The following QKI variants were observed in gnomAD, a reference collection of about 807,000 sequenced individuals.
The protein encoded by QKI is QKI, KH domain containing RNA binding.
Under a neutral mutation model 39.0 loss-of-function variants are expected in QKI, and 10 were observed. The ratio of observed to expected loss-of-function variants is 0.26; its 90% confidence interval spans 0.16 to 0.43. The LOEUF is 0.43. Ranked by LOEUF, QKI falls within the 20% of genes least tolerant of loss-of-function variation. QKI has a pLI of 1.00. For synonymous variants in QKI, 204 were observed against 155.4 expected, an observed-to-expected ratio of 1.31 and a Z score of -2.33; for missense variants, 218 against 428.0, an observed-to-expected ratio of 0.51 and a Z score of 4.33.
chr6:163,512,981 A>G (rs1779574780), intron 3 of QKI, among the ~76,000 whole-genome samples: 1 of 152,196 alleles, frequency 6.6e-6, no homozygotes, highest in African/African-American at 2.4e-5. Context: ...TTTGCTTTTC[A>G]TGGTTTCAGT....
intron 2 of QKI, 107 bp downstream of exon 2, chr6:163,455,528 T>C: frequency 8.8e-7 from 1 of 1,137,496 alleles, no homozygotes; most frequent in Non-Finnish European, 1.2e-6. Context: ...TTTAAAAAAA[T>C]GCAGTCATCA....
At chr6:163,556,683 TGTGA>T (rs989408750) in intron 4 of QKI, among the ~76,000 whole-genome samples, 2 of 152,104 alleles carry the variant, frequency 1.3e-5, no homozygotes, top group Admixed American at 1.3e-4. Context: ...CCCCACTTAG[TGTGA>T]GTATTTTTCT....
At chr6:163,491,783 G>A (rs888384119) in intron 3 of QKI, among the ~76,000 whole-genome samples, 9 of 152,120 alleles carry the variant, frequency 5.9e-5, no homozygotes, top group African/African-American at 2.2e-4. Flanking sequence ...GACACCCTTT[G>A]AGAGGTAAAA....
intron 4 of QKI, among the ~76,000 whole-genome samples, chr6:163,555,813 G>T (rs908204225): frequency 2.6e-5 from 4 of 152,016 alleles, no homozygotes; most frequent in Admixed American, 1.3e-4. Context: ...TCAGCTCTCT[G>T]GTGATTACTT....
chr6:163,515,055 A>T (rs1562503410), intron 3 of QKI, among the ~76,000 whole-genome samples: 1 of 152,194 alleles, frequency 6.6e-6, no homozygotes, highest in Non-Finnish European at 1.5e-5. Flanking sequence ...AAAGATCACA[A>T]ATTCAATTAA....
intron 6 of QKI, chr6:163,564,078 T>A (rs1400891371): frequency 9.3e-7 from 1 of 1,079,156 alleles, no homozygotes; most frequent in Non-Finnish European, 1.1e-6. Flanking sequence ...TTATTTGAGA[T>A]TTATTTTATC....
At chr6:163,545,643 CCAAA>C (rs1781817107) in intron 4 of QKI, among the ~76,000 whole-genome samples, 1 of 151,980 alleles carries the variant, frequency 6.6e-6, no homozygotes, top group Admixed American at 6.6e-5. Flanking sequence ...ACAAGCTTTC[CCAAA>C]CAGAGACTCT....
chr6:163,570,203 T>G (rs962719659), intron 7 of QKI: 1 of 983,920 alleles, frequency 1.0e-6, no homozygotes, highest in African/African-American at 1.7e-5. Flanking sequence ...TTGAATTTCT[T>G]TAGATTCATT....
At chr6:163,516,755 T>C (rs1004985815) in intron 3 of QKI, among the ~76,000 whole-genome samples, 1 of 152,204 alleles carries the variant, frequency 6.6e-6, no homozygotes, top group Non-Finnish European at 1.5e-5. Flanking sequence ...GTTTTCATAC[T>C]GAAATGAATA....
At chr6:163,567,459 A>G (rs1310784229) in intron 7 of QKI, 33 of 985,022 alleles carry the variant, frequency 3.4e-5, no homozygotes, top group South Asian at 4.7e-5. Flanking sequence ...TGCTGCTAAA[A>G]TATATTATCT....
At chr6:163,509,701 GA>G (rs1779316291) in intron 3 of QKI, among the ~76,000 whole-genome samples, 1 of 151,944 alleles carries the variant, frequency 6.6e-6, no homozygotes, top group Non-Finnish European at 1.5e-5. Context: ...CTTAAAAACT[GA>G]AATGGAATTA....
intron 3 of QKI, among the ~76,000 whole-genome samples, chr6:163,490,081 G>A (rs1325721689): frequency 1.3e-5 from 2 of 152,154 alleles, no homozygotes; most frequent in Non-Finnish European, 2.9e-5. Context: ...CAACTTTCAT[G>A]AATCCAATTG....
intron 3 of QKI, among the ~76,000 whole-genome samples, chr6:163,493,033 C>T (rs112254533): frequency 0.013 from 1,946 of 152,092 alleles, 43 homozygotes; most frequent in African/African-American, 0.045. Context: ...CCCCATTTAG[C>T]GCCGTTACTT....
chr6:163,416,545 TAG>T (rs1787520537), intron 1 of QKI: 1 of 152,176 alleles, frequency 6.6e-6, no homozygotes, highest in Non-Finnish European at 1.5e-5. Flanking sequence ...ATTTTAAAAA[TAG>T]AGTCGGGGAA....
At chr6:163,448,846 TCCATGGG>T (rs1562444384) in intron 1 of QKI, among the ~76,000 whole-genome samples, 4 of 152,098 alleles carry the variant, frequency 2.6e-5, no homozygotes. Context: ...GAAGTTAAAT[TCCATGGG>T]TGGTTCTCAG....
chr6:163,452,709 T>C (rs1291290257), intron 1 of QKI, among the ~76,000 whole-genome samples: 1 of 152,076 alleles, frequency 6.6e-6, no homozygotes, highest in Non-Finnish European at 1.5e-5. Context: ...ATATGAGGAC[T>C]GTTTGTTTTA....
At chr6:163,508,359 C>T (rs192131668) in intron 3 of QKI, among the ~76,000 whole-genome samples, 9 of 151,834 alleles carry the variant, frequency 5.9e-5, no homozygotes, top group African/African-American at 1.9e-4. Context: ...TGTGAAAAGC[C>T]GAAGATTATA....
intron 7 of QKI, chr6:163,567,358 T>G (rs950600946): frequency 9.1e-6 from 9 of 985,020 alleles, no homozygotes; most frequent in Non-Finnish European, 1.1e-5. Flanking sequence ...ATAACTTTCA[T>G]GTAGTTGGAT....
At chr6:163,558,114 A>G (rs1782752321) in intron 4 of QKI, among the ~76,000 whole-genome samples, 1 of 152,224 alleles carries the variant, frequency 6.6e-6, no homozygotes, top group Non-Finnish European at 1.5e-5. Context: ...GTACAACTTC[A>G]GGATGCCCTG....
Sources: gnomAD v4.1 joint callset for allele counts (sites outside exome capture counted in the v4.1 genomes callset) on GRCh38, gnomAD v4.1.1 for gene constraint, MANE v1.5 for transcripts, NCBI Gene and HGNC (gene_info 2026-07-23, HGNC 2026-07-21) for gene names.